The following DIS3L2 variants were observed in gnomAD, a reference collection of about 807,000 sequenced individuals.
DIS3L2 encodes DIS3 like 3'-5' exoribonuclease 2.
DIS3L2 carries 34 observed loss-of-function variants against 97.5 expected under a neutral mutation model. The observed-to-expected ratio is 0.35, with a 90% CI of 0.27 to 0.46. DIS3L2 has a LOEUF of 0.46. DIS3L2 is among the 20% of genes least tolerant of loss of function. The pLI, the probability that DIS3L2 is intolerant of heterozygous loss-of-function variation, is 1.00. For synonymous variants in DIS3L2, 435 were observed against 445.2 expected, an observed-to-expected ratio of 0.98 and a Z score of 0.29; for missense variants, 1,038 against 1,146.0, an observed-to-expected ratio of 0.91 and a Z score of 1.36.
intron 1 of DIS3L2, among the ~76,000 whole-genome samples, chr2:232,001,557 C>CTTTTTTTTTTTTTTTTTTTT (rs57766848): frequency 4.8e-5 from 3 of 61,916 alleles, no homozygotes; most frequent in African/African-American, 1.7e-4. Flanking sequence ...TGCCATTTGT[C>CTTTTTTTTTTTTTTTTTTTT]TTTTTTTTTT....
chr2:232,216,189 A>G (rs1341236389), intron 10 of DIS3L2, among the ~76,000 whole-genome samples: 1 of 152,112 alleles, frequency 6.6e-6, no homozygotes, highest in African/African-American at 2.4e-5. Flanking sequence ...TATCCCTTTT[A>G]CAGTGTGGCT....
At chr2:232,077,432 G>A (rs916651533) in intron 5 of DIS3L2, among the ~76,000 whole-genome samples, 5 of 152,142 alleles carry the variant, frequency 3.3e-5, no homozygotes, top group East Asian at 1.9e-4. Flanking sequence ...ATTAAAATAA[G>A]TATTGTAATG....
chr2:232,310,428 T>TCCA (rs1695092320), intron 14 of DIS3L2, among the ~76,000 whole-genome samples: 2 of 152,324 alleles, frequency 1.3e-5, no homozygotes, highest in African/African-American at 4.8e-5. Flanking sequence ...AACTCCTGCT[T>TCCA]CCACTGCTGG....
intron 6 of DIS3L2, among the ~76,000 whole-genome samples, chr2:232,104,838 C>CAG (rs576438523): frequency 6.6e-6 from 1 of 152,064 alleles, no homozygotes; most frequent in Non-Finnish European, 1.5e-5. Context: ...GACAAAGACT[C>CAG]AGAGGGTCTG....
intron 10 of DIS3L2, among the ~76,000 whole-genome samples, chr2:232,223,757 G>A (rs1338631738): frequency 2.0e-5 from 3 of 152,198 alleles, no homozygotes; most frequent in Non-Finnish European, 4.4e-5. Context: ...CAAAAAGTAA[G>A]TGTTTAGTGA....
rs180909180 is a variant in DIS3L2, at chr2:232,191,366, G to A, written c.1125-18960G>A. 1.0e-3 allele frequency among the ~76,000 whole-genome samples: 157 copies of A among 152,282 alleles called. 1 individual carries two copies. The highest frequency in any genetic ancestry group is 0.01 in the Middle Eastern group (3 of 294). ...AGGGTGGATTTAATTTTTGGAAGCA[G>A]CCAAGTTAATTCAGAGCCAAGGGTG... On this transcript the variant is annotated intron_variant, in intron 9 of 20. Coordinates refer to ENST00000325385, the MANE Select transcript of DIS3L2 (RefSeq NM_152383.5).
At chr2:232,031,362 A>G (rs1255814593) in intron 5 of DIS3L2, among the ~76,000 whole-genome samples, 2 of 152,046 alleles carry the variant, frequency 1.3e-5, no homozygotes, top group Admixed American at 6.6e-5. Context: ...TTCAGTAATG[A>G]GTAGTATTGA....
At chr2:232,022,767 A>G (rs1167423310) in intron 3 of DIS3L2, among the ~76,000 whole-genome samples, 1 of 152,216 alleles carries the variant, frequency 6.6e-6, no homozygotes, top group African/African-American at 2.4e-5. Context: ...GGTGCCTGCC[A>G]TGCTATTCGT....
At chr2:232,070,729 C>T (rs145576722) in intron 5 of DIS3L2, among the ~76,000 whole-genome samples, 1,533 of 152,048 alleles carry the variant, frequency 0.01, 22 homozygotes, top group African/African-American at 0.034. Flanking sequence ...GGACTACAGG[C>T]GCGTACCACC....
intron 6 of DIS3L2, 74 bp downstream of exon 6, chr2:232,087,795 G>C (rs1189375814): frequency 5.0e-6 from 6 of 1,208,258 alleles, no homozygotes; most frequent in Non-Finnish European, 7.1e-6. Context: ...CTCTGCTGCA[G>C]AGTAAATAAC....
intron 1 of DIS3L2, among the ~76,000 whole-genome samples, chr2:231,977,213 G>A (rs1461199455): frequency 6.6e-6 from 1 of 152,148 alleles, no homozygotes; most frequent in Non-Finnish European, 1.5e-5. Context: ...TTGAAAAATT[G>A]TAAGTTGAAC....
At chr2:232,203,304 G>C (rs963765284) in intron 9 of DIS3L2, among the ~76,000 whole-genome samples, 4 of 152,150 alleles carry the variant, frequency 2.6e-5, no homozygotes, top group Admixed American at 6.5e-5. Context: ...CACGGACAGA[G>C]GAGGGCCTCT....
At chr2:232,238,808 G>C (rs1045450815) in intron 11 of DIS3L2, among the ~76,000 whole-genome samples, 163 bp downstream of exon 11, 2 of 152,130 alleles carry the variant, frequency 1.3e-5, no homozygotes, top group African/African-American at 4.8e-5. Context: ...TGCTATATAA[G>C]TAACTGACAG....
intron 14 of DIS3L2, among the ~76,000 whole-genome samples, chr2:232,319,256 C>T (rs1695361692): frequency 6.6e-6 from 1 of 152,216 alleles, no homozygotes; most frequent in African/African-American, 2.4e-5. Context: ...GTGGTTGGCA[C>T]ACAGTGGACA....
chr2:232,049,950 G>A (rs1350512519), intron 5 of DIS3L2, among the ~76,000 whole-genome samples: 1 of 152,094 alleles, frequency 6.6e-6, no homozygotes, highest in Non-Finnish European at 1.5e-5. Context: ...TCATGCTCCT[G>A]TTTCTTTTCC....
At chr2:232,175,597 G>A (rs1161917932) in intron 9 of DIS3L2, among the ~76,000 whole-genome samples, 5 of 151,672 alleles carry the variant, frequency 3.3e-5, no homozygotes, top group African/African-American at 4.8e-5. Flanking sequence ...TTTTAGGTTC[G>A]GGGGTACATG....
intron 2 of DIS3L2, 95 bp downstream of exon 2, chr2:232,015,074 G>A: frequency 2.4e-6 from 3 of 1,237,492 alleles, no homozygotes; most frequent in Non-Finnish European, 3.5e-6. Flanking sequence ...AGGACTGAGG[G>A]CTACTATAAT....
chr2:232,238,779 C>T (rs1226519643), intron 11 of DIS3L2, 134 bp downstream of exon 11: 2 of 755,774 alleles, frequency 2.6e-6, no homozygotes, highest in African/African-American at 3.5e-5. Flanking sequence ...TCATCTGAGG[C>T]CTCATCCCAG....
intron 13 of DIS3L2, among the ~76,000 whole-genome samples, chr2:232,288,016 A>G (rs539880510): frequency 6.6e-6 from 1 of 152,282 alleles, no homozygotes; most frequent in Admixed American, 6.5e-5. Flanking sequence ...GCTGGATGGT[A>G]GTGGAAAGTG....
Sources: allele counts gnomAD v4.1 joint callset (sites outside exome capture counted in the v4.1 genomes callset), GRCh38; gene constraint gnomAD v4.1.1; transcripts MANE v1.5; gene names NCBI Gene and HGNC (gene_info 2026-07-23, HGNC 2026-07-21).